Variants in MGAT5 observed in about 807,000 individuals in gnomAD.
The protein encoded by MGAT5 is alpha-1,6-mannosylglycoprotein 6-beta-N-acetylglucosaminyltransferase, also known as alpha-1,6-mannosylglycoprotein 6-beta-N-acetylglucosaminyltransferase A.
Under a neutral mutation model 94.3 loss-of-function variants are expected in MGAT5, and 30 were observed. That is an observed-to-expected ratio of 0.32 (90% confidence interval 0.24 to 0.43). The LOEUF is 0.43. Ranked by LOEUF, MGAT5 falls within the 20% of genes least tolerant of loss-of-function variation. The pLI is 1.00. For missense variants in MGAT5, 691 were observed against 905.5 expected (o/e 0.76, Z 3.04); for synonymous variants, 310 against 322.9 (o/e 0.96, Z 0.43).
At chr2:134,177,409 G>C (rs1250182449) in intron 1 of MGAT5, among the ~76,000 whole-genome samples, 4 of 152,078 alleles carry the variant, frequency 2.6e-5, no homozygotes, top group Admixed American at 6.6e-5. Context: ...TTTAGGGCCG[G>C]GTCTGGCTGT....
At chr2:134,364,262 G>C (rs1231692935) in intron 10 of MGAT5, among the ~76,000 whole-genome samples, 2 of 152,244 alleles carry the variant, frequency 1.3e-5, no homozygotes, top group African/African-American at 4.8e-5. Flanking sequence ...CCCTTTGGGA[G>C]GCTGAGGCGG....
chr2:134,236,406 C>T (rs1681639693), intron 1 of MGAT5, among the ~76,000 whole-genome samples: 1 of 152,150 alleles, frequency 6.6e-6, no homozygotes, highest in Non-Finnish European at 1.5e-5. Context: ...GGCTGTGTCC[C>T]CACCCAAATC....
At chr2:134,327,657 T>C (rs1573815561) in intron 4 of MGAT5, among the ~76,000 whole-genome samples, 1 of 152,278 alleles carries the variant, frequency 6.6e-6, no homozygotes, top group Middle Eastern at 3.4e-3. Context: ...TTTTATTTAA[T>C]ATTTTCAGAC....
intron 1 of MGAT5, among the ~76,000 whole-genome samples, chr2:134,206,452 A>G (rs906360341): frequency 6.6e-6 from 1 of 152,016 alleles, no homozygotes; most frequent in Admixed American, 6.6e-5. Context: ...TTAATTGCCT[A>G]TTGCTGCTGT....
intron 1 of MGAT5, among the ~76,000 whole-genome samples, chr2:134,185,584 G>C (rs1211424641): frequency 1.3e-5 from 2 of 152,164 alleles, no homozygotes; most frequent in Admixed American, 1.3e-4. Flanking sequence ...CATTTCTGCA[G>C]TAATTTTGAT....
intron 2 of MGAT5, among the ~76,000 whole-genome samples, chr2:134,302,869 TTTTCTC>T (rs1166057358): frequency 1.3e-5 from 2 of 151,980 alleles, no homozygotes; most frequent in African/African-American, 2.4e-5. Context: ...GCTTTCAACA[TTTTCTC>T]TTTCTCATTT....
intron 2 of MGAT5, among the ~76,000 whole-genome samples, chr2:134,304,399 G>C (rs1686208894): frequency 6.6e-6 from 1 of 152,162 alleles, no homozygotes. Context: ...ACCACCTGAG[G>C]ATCAGTGCCT....
chr2:134,184,112 C>G (rs1688881808), intron 1 of MGAT5, among the ~76,000 whole-genome samples: 1 of 152,178 alleles, frequency 6.6e-6, no homozygotes. Context: ...TATTTGTACC[C>G]ACTTTCTAAA....
chr2:134,246,410 AG>A lies in MGAT5; in HGVS notation c.-142-7850del, dbSNP rs1333361342. Among the ~76,000 whole-genome samples, 6 of 152,270 alleles carry A rather than the reference AG, an allele frequency of 3.9e-5. No homozygotes were observed. The East Asian group carries it at 1.2e-3, about 29-fold the overall frequency. On this transcript the variant is annotated intron_variant, in intron 1 of 16. Coordinates refer to the MGAT5 transcript ENST00000409645. ...GTGAATGACCTCAGAGCTTCTTCCCAGGAATTTGGATTTATTTTAGAAGAGA... is the reference window on the plus strand; with the variant it reads ...GTGAATGACCTCAGAGCTTCTTCCCAGAATTTGGATTTATTTTAGAAGAGA...
At chr2:134,261,781 T>C (rs144003329) in intron 1 of MGAT5, among the ~76,000 whole-genome samples, 75 of 152,350 alleles carry the variant, frequency 4.9e-4, no homozygotes, top group Middle Eastern at 6.8e-3. Context: ...TAGTACCTTT[T>C]GCCTGGCACA....
At chr2:134,180,268 T>C (rs1464571098) in intron 1 of MGAT5, among the ~76,000 whole-genome samples, 1 of 152,272 alleles carries the variant, frequency 6.6e-6, no homozygotes, top group East Asian at 1.9e-4. Context: ...GGACTCACTC[T>C]GAATTCCTTC....
intron 12 of MGAT5, among the ~76,000 whole-genome samples, chr2:134,421,671 T>C (rs1011308624): frequency 6.6e-6 from 1 of 152,034 alleles, no homozygotes; most frequent in African/African-American, 2.4e-5. Flanking sequence ...TGGACAATTC[T>C]TCCTGTGCAG....
chr2:134,332,442 A>G (rs920435994), intron 4 of MGAT5, among the ~76,000 whole-genome samples: 3 of 152,142 alleles, frequency 2.0e-5, no homozygotes, highest in East Asian at 1.9e-4. Context: ...TTAATTCAAG[A>G]TGGATTAAAG....
chr2:134,326,038 TTC>T (rs61556184), intron 4 of MGAT5, among the ~76,000 whole-genome samples: 25 of 135,548 alleles, frequency 1.8e-4, no homozygotes, highest in Middle Eastern at 3.7e-3. Flanking sequence ...TGATTTCTCT[TTC>T]TCTCTCTCTC....
At chr2:134,304,710 C>T (rs76737506) in intron 2 of MGAT5, among the ~76,000 whole-genome samples, 3,345 of 152,130 alleles carry the variant, frequency 0.022, 132 homozygotes, top group African/African-American at 0.077. Context: ...TGCTAAGGGC[C>T]GGGAGAAGTT....
intron 10 of MGAT5, among the ~76,000 whole-genome samples, chr2:134,375,603 G>GT (rs1558836626): frequency 6.6e-6 from 1 of 152,204 alleles, no homozygotes; most frequent in East Asian, 1.9e-4. Context: ...ACTTACTTGC[G>GT]TATCAGGACT....
chr2:134,261,195 G>A lies in MGAT5; in HGVS notation c.241+6551G>A, dbSNP rs146186284. Reference sequence around the variant, plus strand: ...AGTCTGGATTGAGGAGGGATTGCACGCACATGTGTGAGGTTGGAGTCTCAA... The same window carrying A: ...AGTCTGGATTGAGGAGGGATTGCACACACATGTGTGAGGTTGGAGTCTCAA... On this transcript the variant is annotated intron_variant, in intron 1 of 15. Coordinates refer to ENST00000281923, the MANE Select transcript of MGAT5 (RefSeq NM_002410.5). Among the ~76,000 whole-genome samples, 591 of 152,294 alleles carry A rather than the reference G, an allele frequency of 3.9e-3. 7 individuals are homozygous for A. Among genetic ancestry groups the A allele is most frequent in the African/African-American group, 0.014 (566 of 41,556 alleles).
intron 1 of MGAT5, among the ~76,000 whole-genome samples, chr2:134,187,356 A>G (rs1425250738): frequency 6.6e-6 from 1 of 152,162 alleles, no homozygotes; most frequent in Admixed American, 6.5e-5. Context: ...AGTGGAAGTG[A>G]TAGTGACATG....
In MGAT5 at chr2:134,362,139, C is replaced by G. The variant is rs894588993; in HGVS notation, c.1247-136C>G. 5.0e-6 allele frequency: 5 copies of G among 1,003,044 alleles called. No individual in the cohort carries two copies. In the African/African-American group the frequency reaches 8.1e-5, roughly 16 times the overall value. 62.1% of individuals were successfully genotyped at this position (1,003,044 alleles called of 1,614,324 possible). A position where few individuals can be genotyped will look rare whatever the true frequency, so the allele number is the denominator to read the frequency against. ...GGGAGAGATGACAATCCCTCACCTCCCTCAGGTAAGAAAGAACAGGGTAAG... is the reference window on the plus strand; with the variant it reads ...GGGAGAGATGACAATCCCTCACCTCGCTCAGGTAAGAAAGAACAGGGTAAG... On this transcript the variant is annotated intron_variant, in intron 9 of 15. Coordinates refer to ENST00000281923, the MANE Select transcript of MGAT5 (RefSeq NM_002410.5).
Sources: allele counts gnomAD v4.1 joint callset (sites outside exome capture counted in the v4.1 genomes callset), GRCh38; gene constraint gnomAD v4.1.1; transcripts MANE v1.5; gene names NCBI Gene and HGNC (gene_info 2026-07-23, HGNC 2026-07-21).